The following USP12 variants were observed in gnomAD, a reference collection of about 807,000 sequenced individuals.
USP12 encodes ubiquitin specific peptidase 12.
USP12 carries 19 observed loss-of-function variants against 45.5 expected under a neutral mutation model. The ratio of observed to expected loss-of-function variants is 0.42; its 90% CI spans 0.29 to 0.61. The LOEUF (loss-of-function observed/expected upper bound fraction) is 0.61, where lower values mean the gene tolerates loss of function less well. Ranked by LOEUF, USP12 falls within the 20% of genes least tolerant of loss-of-function variation. The probability of loss-of-function intolerance (pLI) is 0.22; values close to 1 mark genes in which losing one functional copy is unlikely to be tolerated. For missense variants in USP12, 242 were observed against 447.7 expected, an observed-to-expected ratio of 0.54 and a Z score of 4.15; for synonymous variants, 149 against 148.8, an observed-to-expected ratio of 1.00 and a Z score of -0.01.
At chr13:27,121,323 C>A (rs1312302596) in intron 1 of USP12, among the ~76,000 whole-genome samples, 2 of 148,480 alleles carry the variant, frequency 1.3e-5, no homozygotes, top group African/African-American at 2.5e-5. Flanking sequence ...AAAAAAAAAA[C>A]CTCAGTAGAG....
chr13:27,080,895 C>G (rs1001415439), intron 6 of USP12, among the ~76,000 whole-genome samples: 2 of 152,140 alleles, frequency 1.3e-5, no homozygotes, highest in Admixed American at 1.3e-4. Flanking sequence ...AAAAAATGAT[C>G]ATCTGAGCCT....
intron 1 of USP12, among the ~76,000 whole-genome samples, chr13:27,148,813 C>CACACACACACACACACACACACAA (rs1237028314): frequency 3.3e-5 from 5 of 150,792 alleles, no homozygotes; most frequent in African/African-American, 1.2e-4. Context: ...CACACACACA[C>CACACACACACACACACACACACAA]AAAAATCAGG....
chr13:27,143,586 G>A (rs2137823139), intron 1 of USP12, among the ~76,000 whole-genome samples: 1 of 152,234 alleles, frequency 6.6e-6, no homozygotes, highest in East Asian at 1.9e-4. Flanking sequence ...AGATTACATG[G>A]TAATCTGCAA....
chr13:27,158,509 C>T (rs1877946561), intron 1 of USP12, among the ~76,000 whole-genome samples: 7 of 152,184 alleles, frequency 4.6e-5, no homozygotes, highest in Admixed American at 3.3e-4. Flanking sequence ...TGTACTCACG[C>T]AAACCTAGAT....
At chr13:27,077,559 AGAG>A (rs1208294944) in intron 6 of USP12, 1 of 152,238 alleles carries the variant, frequency 6.6e-6, no homozygotes, top group Non-Finnish European at 1.5e-5. Flanking sequence ...AGATCCTCCC[AGAG>A]GAGAAGTGCT....
At chr13:27,152,606 T>C (rs1186902008) in intron 1 of USP12, among the ~76,000 whole-genome samples, 3 of 152,188 alleles carry the variant, frequency 2.0e-5, no homozygotes, top group Non-Finnish European at 2.9e-5. Context: ...AATGAGTGAA[T>C]TGCATGGTAT....
At chr13:27,117,477 A>T (rs945266706) in intron 1 of USP12, among the ~76,000 whole-genome samples, 2 of 142,648 alleles carry the variant, frequency 1.4e-5, no homozygotes, top group African/African-American at 5.3e-5. Flanking sequence ...TTGTTAGGGA[A>T]ATAGATACAT....
chr13:27,084,616 A>G (rs554275951), intron 6 of USP12, among the ~76,000 whole-genome samples: 12 of 152,112 alleles, frequency 7.9e-5, no homozygotes, highest in Admixed American at 5.9e-4. Context: ...GTGGATATTC[A>G]GTTTTCCCAA....
intron 6 of USP12, among the ~76,000 whole-genome samples, chr13:27,084,521 T>C (rs974951230): frequency 3.4e-5 from 5 of 147,610 alleles, no homozygotes; most frequent in Middle Eastern, 3.5e-3. Context: ...AAAAAAAGAG[T>C]TCTATAGTTT....
At chr13:27,137,615 T>C (rs1876863721) in intron 1 of USP12, among the ~76,000 whole-genome samples, 1 of 152,240 alleles carries the variant, frequency 6.6e-6, no homozygotes, top group Non-Finnish European at 1.5e-5. Context: ...CAGAGACTTC[T>C]CACTGATAAG....
chr13:27,069,343 T>G lies in USP12; in HGVS notation c.1053A>C (p.Thr351=), dbSNP rs1873132484. Residue 351 remains threonine (T), a synonymous_variant, in exon 9 of 9, where the codon ACA becomes ACC. Coordinates refer to ENST00000282344, the MANE Select transcript of USP12 (RefSeq NM_182488.4). ...AQAIEEFYGL[T]SDISKNSESG... ...ACTCAGAGTTCTTTGAGATATCTGA[T>G]GTCAACCCGTAGAATTCTTCAATAG... is the stretch of plus-strand genomic sequence containing the variant. The G allele has an allele frequency of 6.2e-7, 1 of 1,612,878 alleles. No individual in the cohort carries two copies. Among genetic ancestry groups the G allele is most frequent in the South Asian group, 1.1e-5 (1 of 91,036 alleles).
At position 27,118,675 on chromosome 13, in the gene USP12, G is replaced by A. The variant is rs186594570; in HGVS notation, c.49-2079C>T. Among the ~76,000 whole-genome samples the A allele has an allele frequency of 8.6e-4, 131 of 152,046 alleles. 1 individual carries two copies. Among genetic ancestry groups the A allele is most frequent in the African/African-American group, 3.0e-3 (126 of 41,454 alleles). On this transcript the variant is annotated intron_variant, in intron 1 of 8. Transcript: ENST00000282344. The stretch of plus-strand genomic sequence containing the variant: ...TCAAATGAGTATAATCCTTTCCCCC[G>A]ACCAAAACAGAAGAAAAGGTGCCAT...
rs546223107 is a variant in USP12 at position 27,105,305 on chromosome 13, G to A, written c.343+426C>T. ...CCTTTTTTAGGTTTTGATTTTTCAC[G>A]GCTAAAATGGGGGAAATGACATGCT... On this transcript the variant is annotated intron_variant, in intron 3 of 8. Transcript: ENST00000282344. 3.3e-5 allele frequency among the ~76,000 whole-genome samples: 5 copies of A among 152,110 alleles called. No individual in the cohort carries two copies. The East Asian group carries it at 5.8e-4, about 18-fold the overall frequency.
chr13:27,125,785 C>T (rs1257657041), intron 1 of USP12, among the ~76,000 whole-genome samples: 1 of 152,246 alleles, frequency 6.6e-6, no homozygotes, highest in Admixed American at 6.5e-5. Context: ...TCTTTGCAAC[C>T]GGCAGACCAG....
chr13:27,165,408 A>T (rs1878306398), intron 1 of USP12, among the ~76,000 whole-genome samples: 1 of 152,202 alleles, frequency 6.6e-6, no homozygotes, highest in Admixed American at 6.5e-5. Context: ...CACAAAACAA[A>T]TTTCCATTTT....
intron 1 of USP12, among the ~76,000 whole-genome samples, chr13:27,155,332 T>C (rs2484110): frequency 0.56 from 85,648 of 151,598 alleles, 25,840 homozygotes; most frequent in Non-Finnish European, 0.69. Context: ...CTGCCCGCCT[T>C]GGCCTCCCAA....
intron 3 of USP12, among the ~76,000 whole-genome samples, chr13:27,101,154 C>T (rs1874846010): frequency 6.6e-6 from 1 of 152,108 alleles, no homozygotes; most frequent in Non-Finnish European, 1.5e-5. Context: ...AATCTTTAAA[C>T]TTTTGTTGAA....
rs981984927 is a variant in USP12 at position 27,067,790 on chromosome 13, T to C, written c.*1493A>G. 5 of 152,214 alleles carry C rather than the reference T, an allele frequency of 3.3e-5. No homozygotes were observed. Among genetic ancestry groups the C allele is most frequent in the African/African-American group, 1.2e-4 (5 of 41,460 alleles). 9.4% of individuals were successfully genotyped at this position (152,214 alleles called of 1,614,324 possible). A position where few individuals can be genotyped will look rare whatever the true frequency, so the allele number is the denominator to read the frequency against. On this transcript the variant is annotated 3_prime_UTR_variant, in exon 9 of 9. Coordinates refer to ENST00000282344, the MANE Select transcript of USP12 (RefSeq NM_182488.4). ...AGTTTAATAAAGAACATCCAAGGCC[T>C]GATTGCTATTATTCTGAATATAATT...
intron 4 of USP12, among the ~76,000 whole-genome samples, chr13:27,093,999 G>T (rs970240408): frequency 2.0e-5 from 3 of 152,098 alleles, no homozygotes; most frequent in African/African-American, 7.2e-5. Flanking sequence ...GACTTTACAG[G>T]ACTCTTAGCT....
Sources: gnomAD v4.1 joint callset for allele counts (sites outside exome capture counted in the v4.1 genomes callset) on GRCh38, gnomAD v4.1.1 for gene constraint, MANE v1.5 for transcripts, NCBI Gene and HGNC (gene_info 2026-07-23, HGNC 2026-07-21) for gene names.